The following TDRP variants were observed in gnomAD, a reference collection of about 807,000 sequenced individuals.
TDRP encodes the protein testis development-related protein.
In TDRP, 12 loss-of-function variants were observed where a neutral mutation model predicts 10.5. The observed-to-expected ratio is 1.15, with a 90% confidence interval of 0.73 to 1.86. The LOEUF is 1.86. TDRP is among the 40% of genes most tolerant of loss of function. TDRP has a pLI of 0.00. For synonymous variants in TDRP, 139 were observed against 95.4 expected (o/e 1.46, Z -2.67); for missense variants, 353 against 229.2 (o/e 1.54, Z -3.49).
intron 1 of TDRP, among the ~76,000 whole-genome samples, chr8:529,110 C>A (rs1001122567): frequency 6.6e-6 from 1 of 152,044 alleles, no homozygotes; most frequent in South Asian, 2.1e-4. Flanking sequence ...TGAGATGATG[C>A]CCACTCAGAT....
chr8:531,056 A>G (rs1234644094), intron 1 of TDRP, among the ~76,000 whole-genome samples: 1 of 152,178 alleles, frequency 6.6e-6, no homozygotes, highest in Non-Finnish European at 1.5e-5. Context: ...GTGACCCCCC[A>G]AAATTCAGAA....
intron 1 of TDRP, among the ~76,000 whole-genome samples, chr8:495,426 A>T (rs1801097730): frequency 6.6e-6 from 1 of 151,408 alleles, no homozygotes; most frequent in Non-Finnish European, 1.5e-5. Context: ...ATTTCTGAGA[A>T]GAAATAATTT....
Position 492,461 on chromosome 8 carries a change from G to C in TDRP, c.496C>G (p.Leu166Val). The change falls in exon 3 of 3, where the codon CTG becomes GTG. Residue 166 changes from leucine (L) to valine (V), a missense_variant. Physicochemically the swap from Leu to Val is conservative, Grantham distance 32 (BLOSUM62 1). Transcript: ENST00000324079. ...SRWSLRAAGR[L>V]VSIRRQSKGH... The stretch of plus-strand genomic sequence containing the variant: ...TTACTCTGCCGTCGGATGCTCACCA[G>C]CCTCCCTGCCGCGCGCAGGCTCCAC... 6.2e-7 allele frequency: 1 copy of C among 1,601,688 alleles called. No homozygotes were observed. The highest frequency in any genetic ancestry group is 1.3e-5 in the African/African-American group (1 of 74,772).
intron 1 of TDRP, among the ~76,000 whole-genome samples, chr8:524,771 A>C (rs1320237701): frequency 6.6e-6 from 1 of 152,222 alleles, no homozygotes; most frequent in African/African-American, 2.4e-5. Context: ...AGGAGACATG[A>C]GACAAAAGAA....
At position 492,720 on chromosome 8, in the gene TDRP, C is replaced by G. The variant is rs1290570602; in HGVS notation, c.237G>C (p.Glu79Asp). Residue 79 changes from glutamate to aspartate, a missense_variant, in exon 3 of 3, where the codon GAG becomes GAC. Transcript: ENST00000324079. Reference sequence around the variant, plus strand: ...ATCCAGATTTCTTCTCTGCCTTCAACTCTTCTTTTAATCGTAAGTTAGTTC... The same window carrying G: ...ATCCAGATTTCTTCTCTGCCTTCAAGTCTTCTTTTAATCGTAAGTTAGTTC... ...SKGTNLRLKE[E>D]LKAEKKSGFW... The G allele has an allele frequency of 6.2e-7, 1 of 1,612,450 alleles. No individual in the cohort carries two copies. Among genetic ancestry groups the G allele is most frequent in the Middle Eastern group, 1.7e-4 (1 of 6,054 alleles).
At chr8:545,553 A>C (rs924037271), upstream of TDRP, 19 of 152,166 alleles carry the variant, frequency 1.2e-4, no homozygotes, top group African/African-American at 4.4e-4. Flanking sequence ...GCTGGCGCTC[A>C]GGCCGCGGCA....
At chr8:501,448 G>C (rs1422951547) in intron 1 of TDRP, among the ~76,000 whole-genome samples, 4 of 151,728 alleles carry the variant, frequency 2.6e-5, no homozygotes, top group Admixed American at 1.3e-4. Flanking sequence ...CCAGGTTCAA[G>C]CAATTCTCCT....
chr8:534,418 C>A (rs73670305), intron 1 of TDRP, among the ~76,000 whole-genome samples: 2 of 152,110 alleles, frequency 1.3e-5, no homozygotes, highest in African/African-American at 4.8e-5. Flanking sequence ...TTTAAAGATG[C>A]CTGCTTTAAT....
At chr8:539,244 G>A (rs1051725454) in intron 1 of TDRP, among the ~76,000 whole-genome samples, 1 of 152,132 alleles carries the variant, frequency 6.6e-6, no homozygotes, top group Non-Finnish European at 1.5e-5. Context: ...GGGCCGGCAC[G>A]ATGGGATGAG....
intron 2 of TDRP, among the ~76,000 whole-genome samples, chr8:494,111 C>T (rs1278715617): frequency 1.3e-5 from 2 of 150,320 alleles, no homozygotes; most frequent in African/African-American, 4.9e-5. Flanking sequence ...CACATGCCAC[C>T]ATGTCCAGCT....
chr8:540,343 G>A (rs1802459093), intron 1 of TDRP, among the ~76,000 whole-genome samples: 1 of 152,138 alleles, frequency 6.6e-6, no homozygotes, highest in Non-Finnish European at 1.5e-5. Context: ...GGAACTCAAG[G>A]TACAGAAAAA....
At chr8:521,433 TACA>T (rs1385736117) in intron 1 of TDRP, among the ~76,000 whole-genome samples, 5 of 151,922 alleles carry the variant, frequency 3.3e-5, no homozygotes, top group African/African-American at 7.3e-5. Flanking sequence ...CAAAAAAAGA[TACA>T]ACTTCATTTT....
At chr8:531,923 C>A (rs951202613) in intron 1 of TDRP, among the ~76,000 whole-genome samples, 1 of 152,174 alleles carries the variant, frequency 6.6e-6, no homozygotes, top group Non-Finnish European at 1.5e-5. Context: ...GGATTTCAAG[C>A]AGTACTCTGA....
chr8:513,179 A>G (rs1216687615), intron 1 of TDRP, among the ~76,000 whole-genome samples: 2 of 152,028 alleles, frequency 1.3e-5, no homozygotes, highest in East Asian at 1.9e-4. Context: ...TTATACTGAT[A>G]CCAAAACTAG....
At chr8:519,119 T>C (rs1801830958) in intron 1 of TDRP, among the ~76,000 whole-genome samples, 1 of 152,128 alleles carries the variant, frequency 6.6e-6, no homozygotes, top group South Asian at 2.1e-4. Context: ...TGGCCAAAGA[T>C]TTAATCAGTC....
At chr8:537,176 CCTGGCTCCCTTCCTGGG>C (rs1482478507) in intron 1 of TDRP, among the ~76,000 whole-genome samples, 1 of 152,228 alleles carries the variant, frequency 6.6e-6, no homozygotes, top group Non-Finnish European at 1.5e-5. Flanking sequence ...CCCACGTGGG[CCTGGCTCCCTTCCTGGG>C]CTGGCTCCCT....
intron 1 of TDRP, among the ~76,000 whole-genome samples, chr8:516,627 A>T (rs945875841): frequency 6.6e-6 from 1 of 152,192 alleles, no homozygotes; most frequent in Non-Finnish European, 1.5e-5. Flanking sequence ...AAGGACATGG[A>T]GCAGCAGGAA....
chr8:519,655 T>C (rs925652992), intron 1 of TDRP, among the ~76,000 whole-genome samples: 3 of 152,132 alleles, frequency 2.0e-5, no homozygotes, highest in Non-Finnish European at 4.4e-5. Context: ...GTTGGGTTGC[T>C]CACTGCTTGT....
At chr8:524,812 T>C (rs1207951576) in intron 1 of TDRP, among the ~76,000 whole-genome samples, 1 of 152,124 alleles carries the variant, frequency 6.6e-6, no homozygotes, top group Non-Finnish European at 1.5e-5. Context: ...TTACAGGATC[T>C]AGAAAATAGC....
Sources: allele counts gnomAD v4.1 joint callset (sites outside exome capture counted in the v4.1 genomes callset), GRCh38; gene constraint gnomAD v4.1.1; transcripts MANE v1.5; gene names NCBI Gene and HGNC (gene_info 2026-07-23, HGNC 2026-07-21).